Variants in ZBTB38 observed in about 807,000 individuals in gnomAD.
The protein encoded by ZBTB38 is zinc finger and BTB domain containing 38.
ZBTB38 carries 20 observed loss-of-function variants against 76.8 expected under a neutral mutation model. The ratio of observed to expected loss-of-function variants is 0.26; its 90% CI spans 0.18 to 0.38. The LOEUF is 0.38. Among genes scored for constraint, ZBTB38 ranks in the 10% least tolerant of loss-of-function variants. The pLI is 1.00. For missense variants in ZBTB38, 1,082 were observed against 1,482.3 expected, an observed-to-expected ratio of 0.73 and a Z score of 4.43; for synonymous variants, 504 against 544.2, an observed-to-expected ratio of 0.93 and a Z score of 1.03.
rs943676162 is a variant in ZBTB38, at chr3:141,402,947, T to G, written c.-105-980T>G. The G allele has an allele frequency of 3.3e-5, 5 of 152,324 alleles. No individual in the cohort carries two copies. In the East Asian group the frequency reaches 9.7e-4, roughly 29 times the overall value. The allele number at this position is 152,324 out of a possible 1,614,324, so 9.4% of individuals were successfully genotyped here. On this transcript the variant is annotated intron_variant, in intron 4 of 5. Transcript: ENST00000321464. ...TTGATGCAACACCAAGCCCCTGGAATTGAAAGGGACGTGCAAAGGCAGGGA... is the reference window on the plus strand; with the variant it reads ...TTGATGCAACACCAAGCCCCTGGAAGTGAAAGGGACGTGCAAAGGCAGGGA...
rs555595159 is a variant in ZBTB38 at position 141,440,903 on chromosome 3, A to G, written c.1-1486A>G. 2.7e-3 allele frequency among the ~76,000 whole-genome samples: 414 copies of G among 151,658 alleles called. 2 individuals are homozygous for G. The highest frequency in any genetic ancestry group is 9.7e-3 in the African/African-American group (401 of 41,358). On this transcript the variant is annotated intron_variant, in intron 5 of 5. Transcript: ENST00000321464. ...ACAAAAATTAGCTGGGCGTGGTGGCATGCACCTGTAGTCCCAGCTACTCGG... is the reference window on the plus strand; with the variant it reads ...ACAAAAATTAGCTGGGCGTGGTGGCGTGCACCTGTAGTCCCAGCTACTCGG...
At chr3:141,402,482 G>GGGGGCGGGGC (rs370968468) in intron 4 of ZBTB38, 2 of 148,660 alleles carry the variant, frequency 1.3e-5, no homozygotes, top group African/African-American at 5.1e-5. Context: ...TCGCGGGGCC[G>GGGGGCGGGGC]GGGGCGGGGC....
intron 4 of ZBTB38, among the ~76,000 whole-genome samples, chr3:141,390,790 A>G (rs1427621771): frequency 6.6e-6 from 1 of 152,218 alleles, no homozygotes; most frequent in Non-Finnish European, 1.5e-5. Context: ...GGGTGCTTGC[A>G]GGGAGGGGAA....
chr3:141,410,473 C>A (rs1468706557), intron 5 of ZBTB38, among the ~76,000 whole-genome samples: 4 of 152,194 alleles, frequency 2.6e-5, no homozygotes, highest in African/African-American at 9.7e-5. Flanking sequence ...AAAGTGGGAA[C>A]AGAACCCACT....
chr3:141,432,086 A>G, intron 5 of ZBTB38: 1 of 985,428 alleles, frequency 1.0e-6, no homozygotes, highest in Non-Finnish European at 1.2e-6. Context: ...TACTGTAAAG[A>G]TGTGTGTGGG....
In ZBTB38 at chr3:141,447,356, A is replaced by G. The variant is rs2081176267; in HGVS notation, c.*1380A>G. On this transcript the variant is annotated 3_prime_UTR_variant, in exon 6 of 6. Coordinates refer to ENST00000321464, the MANE Select transcript of ZBTB38 (RefSeq NM_001376113.1). ...ACAAAGCCAGATGCTCTGTCTTCAT[A>G]TTTGCAGACATCTAGACCCCTTGCT... 6.6e-6 allele frequency: 1 copy of G among 152,466 alleles called. No homozygotes were observed. The highest frequency in any genetic ancestry group is 2.4e-5 in the African/African-American group (1 of 41,386). The allele number at this position is 152,466 out of a possible 1,614,324, so 9.4% of individuals were successfully genotyped here.
chr3:141,392,824 G>A (rs1019958284), intron 4 of ZBTB38: 1 of 139,364 alleles, frequency 7.2e-6, no homozygotes. Flanking sequence ...GTTGACAGTG[G>A]GGGGTCTCCA....
At chr3:141,355,558 G>A (rs1378226392) in intron 1 of ZBTB38, among the ~76,000 whole-genome samples, 3 of 152,214 alleles carry the variant, frequency 2.0e-5, no homozygotes, top group Non-Finnish European at 2.9e-5. Flanking sequence ...TATCCATGGA[G>A]AGCCCTACTC....
intron 4 of ZBTB38, 63 bp from the exon 5 acceptor site, chr3:141,403,864 G>A (rs1432565061): frequency 6.6e-6 from 1 of 152,206 alleles, no homozygotes; most frequent in Non-Finnish European, 1.5e-5. Flanking sequence ...AGTTATTATT[G>A]TTGCTAAAAG....
At chr3:141,416,146 G>A (rs892853223) in intron 5 of ZBTB38, among the ~76,000 whole-genome samples, 1 of 152,158 alleles carries the variant, frequency 6.6e-6, no homozygotes, top group Non-Finnish European at 1.5e-5. Context: ...ATCCCATGCT[G>A]CCATGGTGAC....
intron 5 of ZBTB38, among the ~76,000 whole-genome samples, chr3:141,423,065 T>G (rs2075736836): frequency 6.6e-6 from 1 of 152,176 alleles, no homozygotes; most frequent in African/African-American, 2.4e-5. Flanking sequence ...CTTCCCTTCT[T>G]TTGGGGTCAG....
intron 5 of ZBTB38, among the ~76,000 whole-genome samples, chr3:141,437,852 A>C (rs570556920): frequency 2.6e-5 from 4 of 152,084 alleles, no homozygotes; most frequent in Non-Finnish European, 5.9e-5. Flanking sequence ...GGTATTCAGT[A>C]AGCATTCGTT....
chr3:141,359,391 A>T (rs909107350), intron 1 of ZBTB38, among the ~76,000 whole-genome samples: 4 of 152,166 alleles, frequency 2.6e-5, no homozygotes, highest in African/African-American at 9.7e-5. Flanking sequence ...TCCATGCCTT[A>T]GTTGCGAGGT....
intron 1 of ZBTB38, among the ~76,000 whole-genome samples, chr3:141,345,884 T>C (rs935660926): frequency 4.6e-5 from 7 of 152,088 alleles, no homozygotes; most frequent in Admixed American, 2.6e-4. Flanking sequence ...CCCCCATGGA[T>C]TTCCCAAAGA....
chr3:141,432,396 G>T (rs889603882), intron 5 of ZBTB38, among the ~76,000 whole-genome samples: 4 of 152,192 alleles, frequency 2.6e-5, no homozygotes, highest in African/African-American at 7.2e-5. Flanking sequence ...CCAAGGGCTG[G>T]CAAGAGGGCT....
At chr3:141,398,000 G>A (rs1288727001) in intron 4 of ZBTB38, among the ~76,000 whole-genome samples, 1 of 152,200 alleles carries the variant, frequency 6.6e-6, no homozygotes, top group African/African-American at 2.4e-5. Context: ...CTTTCAACCT[G>A]TAAAAAAAGA....
chr3:141,431,519 T>G (rs1224812786), intron 5 of ZBTB38, among the ~76,000 whole-genome samples: 1 of 151,590 alleles, frequency 6.6e-6, no homozygotes, highest in African/African-American at 2.4e-5. Flanking sequence ...GCACACGAGC[T>G]ACCCTGAAAC....
In ZBTB38 at chr3:141,426,177, C is replaced by T. The variant is rs1287065549; in HGVS notation, c.1-16212C>T. On this transcript the variant is annotated intron_variant, in intron 5 of 5. Coordinates refer to ENST00000321464, the MANE Select transcript of ZBTB38 (RefSeq NM_001376113.1). ...AAGCAGGAGACATGGTAAGCTGTTCCTTCATAGTGTAGTCAGAAGTCACAG... is the reference window on the plus strand; with the variant it reads ...AAGCAGGAGACATGGTAAGCTGTTCTTTCATAGTGTAGTCAGAAGTCACAG... The T allele has an allele frequency of 2.3e-6, 3 of 1,289,388 alleles. No individual in the cohort carries two copies. The East Asian group carries it at 1.7e-4, about 72-fold the overall frequency. The allele number at this position is 1,289,388 out of a possible 1,614,324, so 79.9% of individuals were successfully genotyped here.
intron 5 of ZBTB38, among the ~76,000 whole-genome samples, chr3:141,408,592 C>T (rs1955505750): frequency 6.6e-6 from 1 of 151,652 alleles, no homozygotes; most frequent in African/African-American, 2.4e-5. Flanking sequence ...CTTCCTAATT[C>T]TAGCTTCCCT....
Sources: gnomAD v4.1 joint callset for allele counts (sites outside exome capture counted in the v4.1 genomes callset) on GRCh38, gnomAD v4.1.1 for gene constraint, MANE v1.5 for transcripts, NCBI Gene and HGNC (gene_info 2026-07-23, HGNC 2026-07-21) for gene names.